The following ARMC1 variants were observed in gnomAD, a reference collection of about 807,000 sequenced individuals.
ARMC1 encodes armadillo repeat containing 1.
ARMC1 carries 16 observed loss-of-function variants against 31.4 expected under a neutral mutation model. The ratio of observed to expected loss-of-function variants is 0.51; its 90% CI spans 0.34 to 0.77. The LOEUF is 0.77. ARMC1 is among the 30% of genes least tolerant of loss of function. The pLI is 0.01. For synonymous variants in ARMC1, 114 were observed against 118.9 expected, an observed-to-expected ratio of 0.96 and a Z score of 0.27; for missense variants, 259 against 347.5, an observed-to-expected ratio of 0.75 and a Z score of 2.02.
intron 4 of ARMC1, among the ~76,000 whole-genome samples, chr8:65,608,826 T>G (rs1022218761): frequency 5.3e-5 from 8 of 151,982 alleles, no homozygotes; most frequent in African/African-American, 1.9e-4. Flanking sequence ...GGAGAATTGC[T>G]TGAACCTGGG....
intron 4 of ARMC1, among the ~76,000 whole-genome samples, chr8:65,607,556 C>CA (rs1469278804): frequency 1.3e-5 from 2 of 152,200 alleles, no homozygotes; most frequent in African/African-American, 4.8e-5. Flanking sequence ...CTGCCTCCTC[C>CA]AACTATGCTA....
intron 1 of ARMC1, among the ~76,000 whole-genome samples, chr8:65,628,368 A>C (rs968052693): frequency 8.9e-5 from 13 of 145,328 alleles, no homozygotes; most frequent in African/African-American, 1.5e-4. Context: ...CTCCTGCCTC[A>C]GCCTCCTAGC....
chr8:65,616,305 G>A lies in ARMC1; in HGVS notation c.276-2872C>T, dbSNP rs376377491. Reference sequence around the variant, plus strand: ...GCGCTGCCACGCCTGACTGGTTTTCGTATTTTTTTGGTGGAGAGGGGGTTT... The same window carrying A: ...GCGCTGCCACGCCTGACTGGTTTTCATATTTTTTTGGTGGAGAGGGGGTTT... On this transcript the variant is annotated intron_variant, in intron 3 of 6. Transcript: ENST00000276569. 1.1e-4 allele frequency among the ~76,000 whole-genome samples: 17 copies of A among 152,284 alleles called. No individual in the cohort carries two copies. In the East Asian group the frequency reaches 1.4e-3, roughly 12 times the overall value.
At chr8:65,610,567 C>T (rs2884199) in intron 4 of ARMC1, among the ~76,000 whole-genome samples, 55,127 of 151,542 alleles carry the variant, frequency 0.36, 10,235 homozygotes, top group East Asian at 0.47. Flanking sequence ...TGGTGGCGGG[C>T]ACCTGTAATC....
intron 1 of ARMC1, among the ~76,000 whole-genome samples, chr8:65,631,754 G>A (rs1808649161): frequency 6.6e-6 from 1 of 152,034 alleles, no homozygotes; most frequent in Non-Finnish European, 1.5e-5. Context: ...CCTTTGCTGG[G>A]TGCAGTAACT....
At chr8:65,616,790 G>A (rs1319646552) in intron 3 of ARMC1, among the ~76,000 whole-genome samples, 10 of 150,040 alleles carry the variant, frequency 6.7e-5, no homozygotes, top group East Asian at 2.0e-4. Flanking sequence ...CCGCGACCCC[G>A]TCTGGGAGGT....
rs778919793 is a variant in ARMC1, at chr8:65,604,469, G to A, written c.774C>T (p.Val258=). 1.7e-5 allele frequency: 28 copies of A among 1,614,026 alleles called. No homozygotes were observed. Among genetic ancestry groups the A allele is most frequent in the East Asian group, 2.2e-5 (1 of 44,898 alleles). ...TAGCTCCACCTTCTGGGTGTGAGCC[G>A]ACCCGGGACACCGCTTTGTCCTGTT... ...TKEQDKAVSR[V]GSHPEGGASW... Residue 258 remains valine (V), a synonymous_variant, in exon 7 of 7, where the codon GTC becomes GTT. Transcript: ENST00000276569.
At chr8:65,614,319 T>C (rs1418808885) in intron 3 of ARMC1, among the ~76,000 whole-genome samples, 2 of 152,226 alleles carry the variant, frequency 1.3e-5, no homozygotes, top group East Asian at 1.9e-4. Flanking sequence ...TAGGGGACTG[T>C]GCTGTCCAAT....
Position 65,604,301 on chromosome 8 carries a change from A to G in ARMC1, c.*93T>C. 7 of 1,244,010 alleles carry G rather than the reference A, an allele frequency of 5.6e-6. No individual in the cohort carries two copies. Among genetic ancestry groups the G allele is most frequent in the East Asian group, 2.4e-5 (1 of 42,486 alleles). 77.1% of individuals were successfully genotyped at this position (1,244,010 alleles called of 1,614,324 possible). A position where few individuals can be genotyped will look rare whatever the true frequency, so the allele number is the denominator to read the frequency against. On this transcript the variant is annotated 3_prime_UTR_variant, in exon 7 of 7. Transcript: ENST00000276569. Reference sequence around the variant, plus strand: ...TCGTGTAATCTAAAAACTTTTCATGATAACTTATTGCAAATTGCACTTGAC... The same window carrying G: ...TCGTGTAATCTAAAAACTTTTCATGGTAACTTATTGCAAATTGCACTTGAC...
chr8:65,626,562 A>G (rs989727223), intron 2 of ARMC1, among the ~76,000 whole-genome samples: 1 of 152,140 alleles, frequency 6.6e-6, no homozygotes, highest in Non-Finnish European at 1.5e-5. Context: ...AGTGAATTAT[A>G]TGATGCTGTG....
rs376698775 is a variant in ARMC1 at position 65,604,381 on chromosome 8, C to G, written c.*13G>C. The G allele has an allele frequency of 6.2e-7, 1 of 1,610,484 alleles. No individual in the cohort carries two copies. The highest frequency in any genetic ancestry group is 1.3e-5 in the African/African-American group (1 of 74,858). On this transcript the variant is annotated 3_prime_UTR_variant, in exon 7 of 7. Transcript: ENST00000276569. ...CTTGTTGGTTCACACAGTCCTTGAG[C>G]CCAAAAGTGAAGTCACCAATAAAAT...
chr8:65,620,546 C>T (rs972491784), intron 3 of ARMC1, among the ~76,000 whole-genome samples: 26 of 151,738 alleles, frequency 1.7e-4, no homozygotes, highest in Admixed American at 1.2e-3. Flanking sequence ...AGGTGATCAC[C>T]TGCCTCCCAA....
chr8:65,610,760 G>A (rs1808120820), intron 4 of ARMC1, among the ~76,000 whole-genome samples: 2 of 152,022 alleles, frequency 1.3e-5, no homozygotes, highest in African/African-American at 2.4e-5. Flanking sequence ...ATCTGGGCTT[G>A]AAGTTTTATT....
chr8:65,618,280 T>C (rs1202457849), intron 3 of ARMC1, among the ~76,000 whole-genome samples: 4 of 149,956 alleles, frequency 2.7e-5, no homozygotes, highest in African/African-American at 9.8e-5. Context: ...CCCAGCACTT[T>C]GGGAGGCCGA....
chr8:65,605,030 A>T (rs1807972730), intron 6 of ARMC1, among the ~76,000 whole-genome samples: 1 of 152,238 alleles, frequency 6.6e-6, no homozygotes, highest in Admixed American at 6.5e-5. Context: ...GAAAGTATTT[A>T]AAAATAAATG....
chr8:65,604,334 C>G lies in ARMC1; in HGVS notation c.*60G>C. ...TTGCAAATTGCACTTGACAGTTCAC[C>G]ACAACAATGGAAAACTGGCCCCTTG... On this transcript the variant is annotated 3_prime_UTR_variant, in exon 7 of 7. Coordinates refer to ENST00000276569, the MANE Select transcript of ARMC1 (RefSeq NM_018120.6). 2.0e-6 allele frequency: 3 copies of G among 1,515,814 alleles called. No individual in the cohort carries two copies. Among genetic ancestry groups the G allele is most frequent in the Non-Finnish European group, 2.7e-6 (3 of 1,112,996 alleles). 93.9% of individuals were successfully genotyped at this position (1,515,814 alleles called of 1,614,324 possible).
At chr8:65,617,933 G>A (rs1563416233) in intron 3 of ARMC1, among the ~76,000 whole-genome samples, 1 of 150,096 alleles carries the variant, frequency 6.7e-6, no homozygotes, top group Non-Finnish European at 1.5e-5. Context: ...GGGGGAGGGA[G>A]CAGACAGAGT....
intron 4 of ARMC1, among the ~76,000 whole-genome samples, chr8:65,605,894 G>T (rs1395293930): frequency 6.6e-6 from 1 of 152,174 alleles, no homozygotes; most frequent in Non-Finnish European, 1.5e-5. Context: ...TAGCTCACGG[G>T]TGGGGAAAAC....
intron 3 of ARMC1, among the ~76,000 whole-genome samples, chr8:65,615,987 A>G (rs1343635073): frequency 2.0e-5 from 3 of 152,254 alleles, no homozygotes; most frequent in African/African-American, 7.2e-5. Flanking sequence ...CATAACACAT[A>G]ATAAAACATC....
Sources: gnomAD v4.1 joint callset for allele counts (sites outside exome capture counted in the v4.1 genomes callset) on GRCh38, gnomAD v4.1.1 for gene constraint, MANE v1.5 for transcripts, NCBI Gene and HGNC (gene_info 2026-07-23, HGNC 2026-07-21) for gene names.